Variants in COL11A1 observed in about 807,000 individuals in gnomAD.
The protein encoded by COL11A1 is collagen alpha-1(XI) chain.
COL11A1 carries 74 observed loss-of-function variants against 265.2 expected under a neutral mutation model. The observed-to-expected ratio is 0.28, with a 90% CI of 0.23 to 0.34. COL11A1 has a LOEUF of 0.34. Among genes scored for constraint, COL11A1 ranks in the 10% least tolerant of loss-of-function variants. The probability of loss-of-function intolerance (pLI) is 1.00; values close to 1 mark genes in which losing one functional copy is unlikely to be tolerated. For missense variants in COL11A1, 2,165 were observed against 2,263.6 expected, an observed-to-expected ratio of 0.96 and a Z score of 0.88; for synonymous variants, 816 against 727.6, an observed-to-expected ratio of 1.12 and a Z score of -1.96.
chr1:102,900,250 G>T, intron 54 of COL11A1, among the ~76,000 whole-genome samples: 1 of 151,878 alleles, frequency 6.6e-6, no homozygotes, highest in East Asian at 1.9e-4. Flanking sequence ...CTCTTGAGGT[G>T]GAATCAATAT....
chr1:103,003,805 C>T (rs1665349124), intron 20 of COL11A1, among the ~76,000 whole-genome samples: 1 of 152,146 alleles, frequency 6.6e-6, no homozygotes. Context: ...TCCTTCTCTT[C>T]TTTTTCCCCC....
chr1:102,934,916 T>C lies in COL11A1; in HGVS notation c.3492+144A>G, dbSNP rs1289778476. 3 of 765,368 alleles carry C rather than the reference T, an allele frequency of 3.9e-6. No individual in the cohort carries two copies. In the East Asian group the frequency reaches 8.1e-5, roughly 21 times the overall value. 47.4% of individuals were successfully genotyped at this position (765,368 alleles called of 1,614,324 possible). On this transcript the variant is annotated intron_variant, in intron 45 of 66. Transcript: ENST00000370096. ...TTCTAAGAATCAGCACGGCTAGCTA[T>C]ATTTGATAATTTAAATTTGATTTAA...
chr1:102,985,974 G>A lies in COL11A1; in HGVS notation c.2502+1659C>T, dbSNP rs533813095. 1.8e-4 allele frequency among the ~76,000 whole-genome samples: 28 copies of A among 152,148 alleles called. 1 individual carries two copies. The highest frequency in any genetic ancestry group is 8.3e-4 in the South Asian group (4 of 4,820). ...GTAGAAGTTGCAAAGTATGAAACCC[G>A]ATAAGAACTGTCACATTAGATGATT... On this transcript the variant is annotated intron_variant, in intron 30 of 66. Transcript: ENST00000370096.
intron 35 of COL11A1, among the ~76,000 whole-genome samples, chr1:102,978,324 T>G (rs1220408427): frequency 6.6e-6 from 1 of 152,158 alleles, no homozygotes; most frequent in Non-Finnish European, 1.5e-5. Context: ...GTAGCTTGTT[T>G]TTTACCAGCA....
intron 63 of COL11A1, among the ~76,000 whole-genome samples, chr1:102,885,856 C>T (rs1352360087): frequency 6.6e-6 from 1 of 152,036 alleles, no homozygotes; most frequent in Non-Finnish European, 1.5e-5. Context: ...ATGTTAGATA[C>T]CAGTTTGTAT....
At position 102,877,924 on chromosome 1, in the gene COL11A1, A is replaced by T. The variant is rs1284411325; in HGVS notation, c.*95T>A. 2 of 1,319,954 alleles carry T rather than the reference A, an allele frequency of 1.5e-6. No homozygotes were observed. Among genetic ancestry groups the T allele is most frequent in the Admixed American group, 1.7e-5 (1 of 59,136 alleles). The allele number at this position is 1,319,954 out of a possible 1,614,324, so 81.8% of individuals were successfully genotyped here. ...ACCTGTATATGCAGCGTTGTTTTCT[A>T]TACCATCCTTATTCAAAACTTGCAT... On this transcript the variant is annotated 3_prime_UTR_variant, in exon 67 of 67. Transcript: ENST00000370096.
At chr1:103,083,530 T>G (rs374050662) in intron 1 of COL11A1, among the ~76,000 whole-genome samples, 3 of 152,220 alleles carry the variant, frequency 2.0e-5, no homozygotes, top group Admixed American at 6.5e-5. Context: ...CTGTAAAATG[T>G]GCACCTACTT....
intron 26 of COL11A1, among the ~76,000 whole-genome samples, chr1:102,996,843 A>G (rs1664678612): frequency 6.6e-6 from 1 of 151,974 alleles, no homozygotes; most frequent in Non-Finnish European, 1.5e-5. Context: ...TTTACTCCAT[A>G]TATAATACAC....
rs999411385 is a variant in COL11A1, at chr1:103,061,730, T to C, written c.651+12888A>G. Among the ~76,000 whole-genome samples the C allele has an allele frequency of 3.1e-4, 47 of 152,106 alleles. 1 individual carries two copies. The highest frequency in any genetic ancestry group is 2.9e-3 in the Admixed American group (44 of 15,274). On this transcript the variant is annotated intron_variant, in intron 4 of 66. Coordinates refer to ENST00000370096, the MANE Select transcript of COL11A1 (RefSeq NM_001854.4). ...GGAAATCTATAGCATTGAATGAATA[T>C]ATTAGAAAAGAGGAAAGATCTAAAA...
intron 66 of COL11A1, among the ~76,000 whole-genome samples, chr1:102,878,661 C>A (rs1358717929): frequency 6.6e-6 from 1 of 150,984 alleles, no homozygotes; most frequent in Non-Finnish European, 1.5e-5. Context: ...CTGGCATGTG[C>A]CACCATGCCC....
At chr1:103,036,126 T>G (rs1668346506) in intron 4 of COL11A1, among the ~76,000 whole-genome samples, 1 of 151,560 alleles carries the variant, frequency 6.6e-6, no homozygotes, top group Non-Finnish European at 1.5e-5. Context: ...CTCTGCTTCC[T>G]AAATTTTCTC....
intron 49 of COL11A1, among the ~76,000 whole-genome samples, chr1:102,919,274 A>G (rs1250446476): frequency 6.6e-6 from 1 of 152,066 alleles, no homozygotes; most frequent in Non-Finnish European, 1.5e-5. Context: ...AATTATCTTA[A>G]TCAAATAATG....
intron 54 of COL11A1, among the ~76,000 whole-genome samples, chr1:102,909,699 T>C (rs1654417917): frequency 6.6e-6 from 1 of 152,076 alleles, no homozygotes; most frequent in African/African-American, 2.4e-5. Context: ...TGTAAATACA[T>C]GGACTTTCTC....
rs114240834 is a variant in COL11A1, at chr1:103,066,700, T to G, written c.651+7918A>C. Among the ~76,000 whole-genome samples the G allele has an allele frequency of 7.1e-3, 1,080 of 152,024 alleles. 13 individuals carry two copies. The highest frequency in any genetic ancestry group is 0.025 in the African/African-American group (1,026 of 41,518). On this transcript the variant is annotated intron_variant, in intron 4 of 66. Coordinates refer to ENST00000370096, the MANE Select transcript of COL11A1 (RefSeq NM_001854.4). ...CAATGACATTTAGCATAACATTTAA[T>G]GTAAATTATGTTATTAGTTTCATGA...
intron 28 of COL11A1, among the ~76,000 whole-genome samples, chr1:102,989,985 A>C (rs1185675340): frequency 6.6e-6 from 1 of 152,134 alleles, no homozygotes; most frequent in African/African-American, 2.4e-5. Context: ...CAGGAGTTTG[A>C]GGCCAACCTG....
intron 15 of COL11A1, among the ~76,000 whole-genome samples, chr1:103,006,664 A>G (rs928728318): frequency 3.4e-5 from 5 of 147,266 alleles, no homozygotes; most frequent in Non-Finnish European, 7.5e-5. Flanking sequence ...CAGCCTCCCA[A>G]GTAGCTGGGA....
chr1:102,922,973 T>G (rs1656165076), intron 47 of COL11A1, among the ~76,000 whole-genome samples: 1 of 152,228 alleles, frequency 6.6e-6, no homozygotes, highest in Non-Finnish European at 1.5e-5. Context: ...CATAAACAAT[T>G]ATATGCATTT....
In COL11A1 at chr1:102,920,359, T is replaced by C. The variant is rs1041050937; in HGVS notation, c.3714A>G (p.Pro1238=). 3 of 1,613,130 alleles carry C rather than the reference T, an allele frequency of 1.9e-6. No homozygotes were observed. The change falls in exon 49 of 67, where the codon CCA becomes CCG. Residue 1238 remains proline, a synonymous_variant. Coordinates refer to ENST00000370096, the MANE Select transcript of COL11A1 (RefSeq NM_001854.4). ...GPQGPNGADG[P]QGPPGSVGSV... Reference sequence around the variant, plus strand: ...AACCAACAGACCCTGGGGGTCCTTGTGGTCCCTGCAGTGTAGAAAAAGGAA... The same window carrying C: ...AACCAACAGACCCTGGGGGTCCTTGCGGTCCCTGCAGTGTAGAAAAAGGAA...
At chr1:102,880,063 A>G in intron 65 of COL11A1, 147 bp from the exon 66 acceptor site, 1 of 632,600 alleles carries the variant, frequency 1.6e-6, no homozygotes, top group Non-Finnish European at 2.8e-6. Context: ...AAAAAAGTGT[A>G]CATTGAGGGT....
Sources: allele counts gnomAD v4.1 joint callset (sites outside exome capture counted in the v4.1 genomes callset), GRCh38; gene constraint gnomAD v4.1.1; transcripts MANE v1.5; gene names NCBI Gene and HGNC (gene_info 2026-07-23, HGNC 2026-07-21).